Variants in GARS1 observed in about 807,000 individuals in gnomAD.
GARS1 encodes glycyl-tRNA synthetase 1.
GARS1 carries 46 observed loss-of-function variants against 86.4 expected under a neutral mutation model. The ratio of observed to expected loss-of-function variants is 0.53; its 90% confidence interval spans 0.42 to 0.68. GARS1 has a LOEUF of 0.68. Among genes scored for constraint, GARS1 ranks in the 30% least tolerant of loss-of-function variants. The probability of loss-of-function intolerance (pLI) is 0.00; values close to 1 mark genes in which losing one functional copy is unlikely to be tolerated. For missense variants in GARS1, 797 were observed against 915.6 expected, an observed-to-expected ratio of 0.87 and a Z score of 1.67; for synonymous variants, 342 against 329.8, an observed-to-expected ratio of 1.04 and a Z score of -0.40.
chr7:30,607,510 A>G (rs1026933909), intron 6 of GARS1, among the ~76,000 whole-genome samples: 4 of 147,344 alleles, frequency 2.7e-5, no homozygotes, highest in African/African-American at 1.0e-4. Context: ...GAACACATGG[A>G]CACAGGGTGG....
In GARS1 at chr7:30,626,295, A is replaced by G. The variant is rs768173012; in HGVS notation, c.1675A>G (p.Lys559Glu). The G allele has an allele frequency of 1.3e-6, 2 of 1,597,928 alleles. No homozygotes were observed. The highest frequency in any genetic ancestry group is 2.2e-5 in the East Asian group (1 of 44,794). The part of the protein sequence containing the change: ...FQLTKDMINV[K>E]RFQKTLYVEE... ...GTTAACAAAAGACATGATCAATGTG[A>G]AGAGATTCCAGAAAACACTATATGG... The change falls in exon 13 of 17, where the codon AAG becomes GAG. Residue 559 changes from lysine (K) to glutamate (E), a missense_variant. Physicochemically the swap from Lys to Glu is moderately conservative, Grantham distance 56. Around this residue, in one of 2 missense-constraint regions of GARS1, gnomAD observed 598 missense variants for 738.7 expected, o/e 0.81. Coordinates refer to ENST00000389266, the MANE Select transcript of GARS1 (RefSeq NM_002047.4).
At chr7:30,609,485 T>C in intron 6 of GARS1, 100 bp from the exon 7 acceptor site, 1 of 967,264 alleles carries the variant, frequency 1.0e-6, no homozygotes, top group Non-Finnish European at 1.6e-6. Flanking sequence ...CTGAATTTTG[T>C]GTGATTGTAG....
At chr7:30,624,973 C>T (rs1783097887) in intron 12 of GARS1, among the ~76,000 whole-genome samples, 1 of 151,864 alleles carries the variant, frequency 6.6e-6, no homozygotes, top group Admixed American at 6.6e-5. Context: ...GATGGAGTCT[C>T]ACTCTGTCAC....
At chr7:30,628,716 AT>A (rs1379395806) in intron 14 of GARS1, 47 bp downstream of exon 14, 1 of 1,245,086 alleles carries the variant, frequency 8.0e-7, no homozygotes, top group East Asian at 2.4e-5. Flanking sequence ...GAAAATAAAA[AT>A]TTTCTGAATT....
At position 30,612,122 on chromosome 7, in the gene GARS1, G is replaced by C; in HGVS notation, c.908G>C (p.Gly303Ala). The C allele has an allele frequency of 6.2e-7, 1 of 1,614,008 alleles. No homozygotes were observed. Among genetic ancestry groups the C allele is most frequent in the South Asian group, 1.1e-5 (1 of 91,074 alleles). ...TACTTGAGACCAGAAACTGCACAGG[G>C]GATTTTCTTGAATTTCAAACGACTT... ...PGYLRPETAQGIFLNFKRLLE... is the reference protein window; with the variant it reads ...PGYLRPETAQAIFLNFKRLLE... Residue 303 changes from glycine (G) to alanine (A), a missense_variant, in exon 8 of 17, where the codon GGG (glycine) becomes GCG (alanine). Gly to Ala is a moderately conservative substitution (Grantham distance 60, BLOSUM62 0). Around this residue, in one of 2 missense-constraint regions of GARS1, gnomAD observed 598 missense variants for 738.7 expected, o/e 0.81. Coordinates refer to ENST00000389266, the MANE Select transcript of GARS1 (RefSeq NM_002047.4).
chr7:30,609,214 A>G (rs1316387554), intron 6 of GARS1, among the ~76,000 whole-genome samples: 4 of 152,330 alleles, frequency 2.6e-5, no homozygotes, highest in African/African-American at 9.6e-5. Flanking sequence ...ATACAGAGAA[A>G]TGCAGAAATG....
Position 30,622,482 on chromosome 7 carries a change from C to G in GARS1, c.1613+20C>G. ...GAAAGGGTAAGATATCAGATGTTTA[C>G]TCTTCCATGGGCTCCAGTCAGTTGT... On this transcript the variant is annotated intron_variant, in intron 12 of 16. Transcript: ENST00000389266. The G allele has an allele frequency of 6.2e-7, 1 of 1,613,764 alleles. No homozygotes were observed. The highest frequency in any genetic ancestry group is 8.5e-7 in the Non-Finnish European group (1 of 1,179,726).
chr7:30,616,906 A>G (rs1430944703), intron 9 of GARS1, among the ~76,000 whole-genome samples: 1 of 152,220 alleles, frequency 6.6e-6, no homozygotes, highest in Non-Finnish European at 1.5e-5. Flanking sequence ...TAACTCCATT[A>G]TCATCATCTT....
intron 4 of GARS1, among the ~76,000 whole-genome samples, chr7:30,602,349 T>C (rs1791397249): frequency 6.6e-6 from 1 of 152,238 alleles, no homozygotes; most frequent in Admixed American, 6.5e-5. Flanking sequence ...AGTGCTGGGA[T>C]TACAGGCGTG....
Position 30,601,192 on chromosome 7 carries a change from A to G in GARS1, c.561A>G (p.Pro187=). The part of the protein sequence containing the change: ...EIDCTMLTPE[P]VLKTSGHVDK... ...ATTGCACCATGCTCACCCCTGAGCCAGTTTTAAAGTGAGATCTTACTTTGG... is the reference window on the plus strand; with the variant it reads ...ATTGCACCATGCTCACCCCTGAGCCGGTTTTAAAGTGAGATCTTACTTTGG... The change falls in exon 4 of 17, where the codon CCA becomes CCG. Residue 187 remains proline (P), a synonymous_variant. Transcript: ENST00000389266. 1 of 1,613,868 alleles carries G rather than the reference A, an allele frequency of 6.2e-7. No individual in the cohort carries two copies. Among genetic ancestry groups the G allele is most frequent in the Non-Finnish European group, 8.5e-7 (1 of 1,179,798 alleles).
At chr7:30,596,690 G>A (rs1234514867) in intron 1 of GARS1, among the ~76,000 whole-genome samples, 3 of 152,116 alleles carry the variant, frequency 2.0e-5, no homozygotes, top group Non-Finnish European at 4.4e-5. Flanking sequence ...GATATTTTCC[G>A]AATATACGAG....
intron 6 of GARS1, 61 bp from the exon 7 acceptor site, chr7:30,609,524 C>A (rs1325795098): frequency 2.1e-6 from 3 of 1,409,194 alleles, no homozygotes; most frequent in Non-Finnish European, 3.0e-6. Context: ...ATATATAATA[C>A]TTTATATCTT....
rs751239315 is a variant in GARS1, at chr7:30,631,493, C to T, written c.1855C>T (p.Leu619Phe). The change falls in exon 15 of 17, where the codon CTC becomes TTC. Residue 619 changes from leucine to phenylalanine, a missense_variant. By Grantham distance (22) the Leu-to-Phe change is conservative. Coordinates refer to ENST00000389266, the MANE Select transcript of GARS1 (RefSeq NM_002047.4). ...AGTTGCTCCATTCAAATGTTCCGTC[C>T]TCCCACTGAGCCAAAACCAGGAGTT... ...AVVAPFKCSV[L>F]PLSQNQEFMP... 1.9e-6 allele frequency: 3 copies of T among 1,613,666 alleles called. No homozygotes were observed. In the South Asian group the frequency reaches 3.3e-5, roughly 18 times the overall value.
rs774969036 is a variant in GARS1, at chr7:30,599,945, A to G, written c.325-2A>G. On this transcript the variant is annotated splice_acceptor_variant, in intron 2 of 16. Coordinates refer to ENST00000389266, the MANE Select transcript of GARS1 (RefSeq NM_002047.4). LOFTEE classifies it high-confidence loss of function. ...ACTCACTTTTTATTTAATCTCTAAC[A>G]GGAGCTGGCGTTACAGCCCAAAGAT... is the stretch of plus-strand genomic sequence containing the variant. 2 of 1,608,428 alleles carry G rather than the reference A, an allele frequency of 1.2e-6. No individual in the cohort carries two copies.
In GARS1 at chr7:30,622,594, T is replaced by G. The variant is rs902728795; in HGVS notation, c.1613+132T>G. On this transcript the variant is annotated intron_variant, in intron 12 of 16. Coordinates refer to ENST00000389266, the MANE Select transcript of GARS1 (RefSeq NM_002047.4). ...TGTATCTTGGCTGCATTTAAAAGAC[T>G]GTCTTTGCCGAGATTTTGGCATTAT... The G allele has an allele frequency of 4.7e-6, 5 of 1,067,758 alleles. No homozygotes were observed. In the African/African-American group the frequency reaches 7.8e-5, roughly 17 times the overall value. 66.1% of individuals were successfully genotyped at this position (1,067,758 alleles called of 1,614,324 possible). A position where few individuals can be genotyped will look rare whatever the true frequency, so the allele number is the denominator to read the frequency against.
At chr7:30,613,276 A>C (rs1180304216) in intron 8 of GARS1, among the ~76,000 whole-genome samples, 1 of 152,210 alleles carries the variant, frequency 6.6e-6, no homozygotes, top group African/African-American at 2.4e-5. Context: ...CCCAACTTAG[A>C]GAAAGTTGGG....
intron 4 of GARS1, 66 bp downstream of exon 4, chr7:30,601,266 A>G: frequency 7.6e-7 from 1 of 1,307,574 alleles, no homozygotes; most frequent in Non-Finnish European, 1.1e-6. Flanking sequence ...ATTATTTAAT[A>G]TACTTATCTA....
intron 5 of GARS1, 126 bp from the exon 6 acceptor site, chr7:30,603,370 A>G (rs548855249): frequency 8.3e-5 from 68 of 820,460 alleles, no homozygotes; most frequent in Non-Finnish European, 1.3e-4. Context: ...TGTAAAATCA[A>G]CTGTGGGATT....
Position 30,618,813 on chromosome 7 carries a change from TAGAA to T in GARS1, c.1359+1540_1359+1543del, listed in dbSNP as rs1255359948. ...ATATATTCTTTTTCCCTTGTGGAAT[TAGAA>T]AGAATTACTGTAATCTGTTAGGATT... On this transcript the variant is annotated intron_variant, in intron 10 of 16. Transcript: ENST00000389266. Among the ~76,000 whole-genome samples the T allele has an allele frequency of 2.6e-5, 4 of 152,268 alleles. No homozygotes were observed. The South Asian group carries it at 8.3e-4, about 31-fold the overall frequency.
Sources: allele counts gnomAD v4.1 joint callset (sites outside exome capture counted in the v4.1 genomes callset), GRCh38; gene constraint gnomAD v4.1.1; regional missense constraint gnomAD v4.1.1; transcripts MANE v1.5; gene names NCBI Gene and HGNC (gene_info 2026-07-23, HGNC 2026-07-21).